The following IMMP2L variants were observed in gnomAD, a reference collection of about 807,000 sequenced individuals.
IMMP2L encodes mitochondrial inner membrane protease subunit 2.
A neutral mutation model predicts 19.3 loss-of-function variants in IMMP2L; 18 were observed. That is an observed-to-expected ratio of 0.93 (90% confidence interval 0.64 to 1.38). The LOEUF (loss-of-function observed/expected upper bound fraction) is 1.38. Ranked by LOEUF, IMMP2L falls within the 40% of genes most tolerant of loss-of-function variation. The probability of loss-of-function intolerance (pLI) is 0.00; values close to 1 mark genes in which losing one functional copy is unlikely to be tolerated. For synonymous variants in IMMP2L, 76 were observed against 73.0 expected, an observed-to-expected ratio of 1.04 and a Z score of -0.21; for missense variants, 233 against 218.2, an observed-to-expected ratio of 1.07 and a Z score of -0.43.
At chr7:111,300,962 G>C (rs1563030577) in intron 3 of IMMP2L, among the ~76,000 whole-genome samples, 3 of 152,090 alleles carry the variant, frequency 2.0e-5, no homozygotes. Flanking sequence ...ACACAAGAGT[G>C]CAATTGCTGG....
Position 111,397,812 on chromosome 7 carries a change from T to C in IMMP2L, c.239+89426A>G, listed in dbSNP as rs568471725. 1.9e-3 allele frequency among the ~76,000 whole-genome samples: 287 copies of C among 152,282 alleles called. 1 individual carries two copies. The highest frequency in any genetic ancestry group is 6.6e-3 in the African/African-American group (276 of 41,574). ...TGATGTTGCAAATACTTTTCCAGGTTCTCATTCACTTTATCATTTCATGTT... is the reference window on the plus strand; with the variant it reads ...TGATGTTGCAAATACTTTTCCAGGTCCTCATTCACTTTATCATTTCATGTT... On this transcript the variant is annotated intron_variant, in intron 3 of 5. Coordinates refer to ENST00000405709, the MANE Select transcript of IMMP2L (RefSeq NM_032549.4).
At chr7:110,905,223 C>T (rs1304522467) in intron 4 of IMMP2L, among the ~76,000 whole-genome samples, 6 of 152,080 alleles carry the variant, frequency 3.9e-5, no homozygotes, top group Non-Finnish European at 8.8e-5. Flanking sequence ...TTGCAAGATT[C>T]CCTTGTCATA....
At chr7:110,735,681 T>C (rs60279999) in intron 5 of IMMP2L, among the ~76,000 whole-genome samples, 4 of 114,814 alleles carry the variant, frequency 3.5e-5, no homozygotes, top group African/African-American at 6.8e-5. Flanking sequence ...AGTAGACAAA[T>C]ACACACACAC....
chr7:111,446,956 A>C (rs1303395896), intron 3 of IMMP2L, among the ~76,000 whole-genome samples: 1 of 150,516 alleles, frequency 6.6e-6, no homozygotes, highest in African/African-American at 2.5e-5. Context: ...AAAGGGTATC[A>C]GCAATGGAAG....
At chr7:111,389,183 A>G (rs1832089336) in intron 3 of IMMP2L, among the ~76,000 whole-genome samples, 1 of 152,196 alleles carries the variant, frequency 6.6e-6, no homozygotes, top group Non-Finnish European at 1.5e-5. Context: ...CTTATTCATA[A>G]GGAAACATCA....
intron 3 of IMMP2L, among the ~76,000 whole-genome samples, chr7:111,436,522 T>C (rs113008797): frequency 0.057 from 8,450 of 149,222 alleles, 338 homozygotes; most frequent in South Asian, 0.084. Context: ...CACACACACA[T>C]ACACACACAC....
intron 3 of IMMP2L, among the ~76,000 whole-genome samples, chr7:111,312,044 T>A (rs1823579449): frequency 6.6e-6 from 1 of 152,136 alleles, no homozygotes. Context: ...AATATTTCCA[T>A]GAGGAAAGCA....
chr7:110,910,838 T>C (rs972567353), intron 4 of IMMP2L, among the ~76,000 whole-genome samples: 1 of 152,154 alleles, frequency 6.6e-6, no homozygotes, highest in Non-Finnish European at 1.5e-5. Flanking sequence ...TCTAAAACCC[T>C]GGTATTTGCG....
At chr7:111,021,670 G>T (rs1282393997) in intron 3 of IMMP2L, among the ~76,000 whole-genome samples, 1 of 152,218 alleles carries the variant, frequency 6.6e-6, no homozygotes, top group Non-Finnish European at 1.5e-5. Flanking sequence ...ATCACCTGAG[G>T]TCAGGAGTTC....
chr7:111,358,909 T>C (rs917386646), intron 3 of IMMP2L, among the ~76,000 whole-genome samples: 3 of 152,174 alleles, frequency 2.0e-5, no homozygotes, highest in African/African-American at 7.2e-5. Flanking sequence ...TACTATTATA[T>C]TTCATTTTAG....
chr7:110,881,412 T>C (rs572671192), intron 5 of IMMP2L, among the ~76,000 whole-genome samples: 1 of 152,304 alleles, frequency 6.6e-6, no homozygotes, highest in Non-Finnish European at 1.5e-5. Flanking sequence ...TAAGGCTTTA[T>C]GACTTATTAA....
At chr7:110,826,431 C>T (rs1410607512) in intron 5 of IMMP2L, among the ~76,000 whole-genome samples, 2 of 152,112 alleles carry the variant, frequency 1.3e-5, no homozygotes, top group Non-Finnish European at 2.9e-5. Flanking sequence ...AGACTTGGAA[C>T]CAACCCAAAT....
At chr7:111,329,984 G>C (rs185897315) in intron 3 of IMMP2L, among the ~76,000 whole-genome samples, 18 of 151,808 alleles carry the variant, frequency 1.2e-4, no homozygotes, top group Admixed American at 1.1e-3. Context: ...ACACTGGCAA[G>C]AACAGTGGCA....
At position 111,213,472 on chromosome 7, in the gene IMMP2L, C is replaced by A. The variant is rs1355667256; in HGVS notation, c.240-249907G>T. On this transcript the variant is annotated intron_variant, in intron 3 of 5. Transcript: ENST00000405709. The surrounding 1 kb of genome is among the most constrained non-coding windows in gnomAD (Gnocchi z 4.8). ...GGGGTGGGTCCCTAGCAAGGCCCCA[C>A]CTTCAAGCTGGGGAGGGCCTGAAGC... Among the ~76,000 whole-genome samples the A allele has an allele frequency of 1.3e-5, 2 of 152,124 alleles. No homozygotes were observed. Among genetic ancestry groups the A allele is most frequent in the Non-Finnish European group, 2.9e-5 (2 of 68,034 alleles).
chr7:110,809,401 T>A (rs1801868262), intron 5 of IMMP2L, among the ~76,000 whole-genome samples: 1 of 151,970 alleles, frequency 6.6e-6, no homozygotes, highest in Non-Finnish European at 1.5e-5. Context: ...AATATTAGCC[T>A]TTTTAGTTCT....
At chr7:111,481,343 T>C (rs1842170290) in intron 3 of IMMP2L, among the ~76,000 whole-genome samples, 2 of 152,140 alleles carry the variant, frequency 1.3e-5, no homozygotes, top group African/African-American at 2.4e-5. Flanking sequence ...GGAGACATTA[T>C]AGGATGATGG....
At chr7:110,875,367 G>C (rs1179033034) in intron 5 of IMMP2L, among the ~76,000 whole-genome samples, 3 of 152,004 alleles carry the variant, frequency 2.0e-5, no homozygotes, top group African/African-American at 4.8e-5. Context: ...TTCTTTGTTT[G>C]AAAGACTATG....
rs958672067 is a variant in IMMP2L at position 111,287,404 on chromosome 7, C to T, written c.239+199834G>A. Among the ~76,000 whole-genome samples, 14 of 152,158 alleles carry T rather than the reference C, an allele frequency of 9.2e-5. No individual in the cohort carries two copies. The South Asian group carries it at 1.7e-3, about 18-fold the overall frequency. On this transcript the variant is annotated intron_variant, in intron 3 of 5. Coordinates refer to ENST00000405709, the MANE Select transcript of IMMP2L (RefSeq NM_032549.4). ...GTGGTATTAAGCATCATAACTGCTACGTAAAGCCACCATAAAGGCTTTTGT... is the reference window on the plus strand; with the variant it reads ...GTGGTATTAAGCATCATAACTGCTATGTAAAGCCACCATAAAGGCTTTTGT...
chr7:111,348,175 T>G (rs968640524), intron 3 of IMMP2L, among the ~76,000 whole-genome samples: 20 of 146,676 alleles, frequency 1.4e-4, no homozygotes, highest in Non-Finnish European at 2.9e-4. Context: ...CATTAGGAGA[T>G]AGACCTAATG....
Sources: gnomAD v4.1 joint callset for allele counts (sites outside exome capture counted in the v4.1 genomes callset) on GRCh38, gnomAD v4.1.1 for gene constraint, Gnocchi (gnomAD v3.1) non-coding constraint, MANE v1.5 for transcripts, NCBI Gene and HGNC (gene_info 2026-07-23, HGNC 2026-07-21) for gene names.